Variants in RNASEH2B observed in about 807,000 individuals in gnomAD.
The protein encoded by RNASEH2B is Aicardi-Goutieres syndrome 2 protein.
RNASEH2B carries 36 observed loss-of-function variants against 45.0 expected under a neutral mutation model. That is an observed-to-expected ratio of 0.80 (90% CI 0.61 to 1.06). The LOEUF (loss-of-function observed/expected upper bound fraction) is 1.06. Among genes scored for constraint, RNASEH2B ranks in the 50% least tolerant of loss-of-function variants. The pLI is 0.00. For missense variants in RNASEH2B, 361 were observed against 360.3 expected (o/e 1.00, Z -0.02); for synonymous variants, 119 against 125.7 (o/e 0.95, Z 0.35).
chr13:50,917,346 A>T (rs983992587), intron 1 of RNASEH2B, among the ~76,000 whole-genome samples: 1 of 152,218 alleles, frequency 6.6e-6, no homozygotes, highest in Non-Finnish European at 1.5e-5. Flanking sequence ...TATGGCCAAC[A>T]TTAGGGGTTT....
At chr13:50,947,386 AGTGTGT>A (rs34501133) in intron 7 of RNASEH2B, among the ~76,000 whole-genome samples, 2,011 of 145,950 alleles carry the variant, frequency 0.014, 32 homozygotes, top group African/African-American at 0.033. Flanking sequence ...TTAGTTTGGG[AGTGTGT>A]GTGTGTGTGT....
At chr13:50,916,490 A>C (rs1351307653) in intron 1 of RNASEH2B, among the ~76,000 whole-genome samples, 2 of 152,222 alleles carry the variant, frequency 1.3e-5, no homozygotes, top group Non-Finnish European at 1.5e-5. Flanking sequence ...GAGGTGTAAT[A>C]CTTATTGCTT....
chr13:50,945,356 A>C, intron 6 of RNASEH2B, 71 bp from the exon 7 acceptor site: 1 of 1,023,694 alleles, frequency 9.8e-7, no homozygotes, highest in South Asian at 1.3e-5. Context: ...TCTGAAGGCC[A>C]CCTATGAATT....
intron 7 of RNASEH2B, among the ~76,000 whole-genome samples, chr13:50,946,137 AT>A (rs1951898329): frequency 6.6e-6 from 1 of 152,170 alleles, no homozygotes. Flanking sequence ...CTTTTAGGTT[AT>A]TCTTTTATAA....
chr13:50,922,577 C>A (rs1262573599), intron 1 of RNASEH2B, among the ~76,000 whole-genome samples: 1 of 152,152 alleles, frequency 6.6e-6, no homozygotes, highest in Non-Finnish European at 1.5e-5. Context: ...CTGCACACCA[C>A]AAGAAATACA....
At chr13:50,964,988 T>C (rs771986942) in intron 9 of RNASEH2B, among the ~76,000 whole-genome samples, 1 of 152,164 alleles carries the variant, frequency 6.6e-6, no homozygotes, top group Admixed American at 6.5e-5. Context: ...TTTCCTGCCT[T>C]ACTCCCTGCA....
chr13:50,918,713 C>G (rs1363533689), intron 1 of RNASEH2B, among the ~76,000 whole-genome samples: 1 of 152,154 alleles, frequency 6.6e-6, no homozygotes, highest in Non-Finnish European at 1.5e-5. Context: ...GCTGATTTGT[C>G]TTGCATGCAT....
At chr13:50,944,626 A>AAATAAATAAT (rs1347462620) in intron 6 of RNASEH2B, among the ~76,000 whole-genome samples, 3 of 152,030 alleles carry the variant, frequency 2.0e-5, no homozygotes, top group Non-Finnish European at 2.9e-5. Context: ...TAATAAATAA[A>AAATAAATAAT]AATAAATAAT....
chr13:50,944,165 A>C (rs1325319252), intron 6 of RNASEH2B, among the ~76,000 whole-genome samples: 1 of 152,050 alleles, frequency 6.6e-6, no homozygotes, highest in Non-Finnish European at 1.5e-5. Context: ...GGGTTGCTGT[A>C]TATTTCTTAC....
downstream of RNASEH2B, among the ~76,000 whole-genome samples, chr13:50,958,784 T>A (rs1354330906): frequency 6.6e-6 from 1 of 152,216 alleles, no homozygotes; most frequent in Non-Finnish European, 1.5e-5. Context: ...GACATTTGGA[T>A]TATTCACAAA....
At chr13:50,949,925 C>A (rs1951955160) in intron 9 of RNASEH2B, 1 of 157,334 alleles carries the variant, frequency 6.4e-6, no homozygotes, top group East Asian at 1.8e-4. Context: ...TACAAAGAAT[C>A]CTTTGAGCAA....
At chr13:50,956,850 C>A, downstream of RNASEH2B, 10 of 506,380 alleles carry the variant, frequency 2.0e-5, no homozygotes, top group Non-Finnish European at 2.6e-5. Context: ...AACTGGATTA[C>A]AAAACTGTGA....
At chr13:50,924,850 A>G (rs534221489) in intron 1 of RNASEH2B, among the ~76,000 whole-genome samples, 1 of 152,152 alleles carries the variant, frequency 6.6e-6, no homozygotes, top group South Asian at 2.1e-4. Flanking sequence ...CCCAGCCAAG[A>G]TTTTCTTTTA....
chr13:50,915,873 GGGCC>G (rs1229167308), intron 1 of RNASEH2B, among the ~76,000 whole-genome samples: 4 of 152,220 alleles, frequency 2.6e-5, no homozygotes, highest in Non-Finnish European at 5.9e-5. Context: ...ACTCCTCCGA[GGGCC>G]TAGGTCTCAA....
rs193139983 is a variant in RNASEH2B at position 50,950,544 on chromosome 13, C to T, written c.741+1039C>T. 1.5e-4 allele frequency: 23 copies of T among 152,246 alleles called. No individual in the cohort carries two copies. In the East Asian group the frequency reaches 3.9e-3, roughly 26 times the overall value. The allele number at this position is 152,246 out of a possible 1,614,324, so 9.4% of individuals were successfully genotyped here. A position where few individuals can be genotyped will look rare whatever the true frequency, so the allele number is the denominator to read the frequency against. ...ATCTAAGGACTGCTCTAGGCCAGAC[C>T]CATGCGTCTTTCATTCCGGTAGTTA... On this transcript the variant is annotated intron_variant, in intron 9 of 10. Transcript: ENST00000336617.
At chr13:50,938,227 A>G (rs1341016235) in intron 5 of RNASEH2B, 1 of 152,206 alleles carries the variant, frequency 6.6e-6, no homozygotes, top group Non-Finnish European at 1.5e-5. Context: ...TTCAAGACCA[A>G]TATGCTGAAC....
rs113631112 is a variant in RNASEH2B at position 50,931,110 on chromosome 13, AC to A, written c.321+353del. On this transcript the variant is annotated intron_variant, in intron 4 of 10. Coordinates refer to ENST00000336617, the MANE Select transcript of RNASEH2B (RefSeq NM_024570.4). ...ATACAAAACAGGTATTTAAAAATTG[AC>A]CACATGTCTTAAAGAGTCTCTTCTT... Among the ~76,000 whole-genome samples, 400 of 152,268 alleles carry A rather than the reference AC, an allele frequency of 2.6e-3. 4 individuals are homozygous for A. Among genetic ancestry groups the A allele is most frequent in the African/African-American group, 8.8e-3 (367 of 41,546 alleles).
chr13:50,933,670 G>C (rs1951711206), intron 4 of RNASEH2B, among the ~76,000 whole-genome samples: 1 of 151,770 alleles, frequency 6.6e-6, no homozygotes, highest in Non-Finnish European at 1.5e-5. Flanking sequence ...ATGTATATAT[G>C]GTAAATAAAA....
At chr13:50,929,962 A>T (rs989795358) in intron 3 of RNASEH2B, among the ~76,000 whole-genome samples, 1 of 152,226 alleles carries the variant, frequency 6.6e-6, no homozygotes, top group Non-Finnish European at 1.5e-5. Flanking sequence ...GGCTTCTAAC[A>T]TAGGCTAGAG....
Sources: allele counts gnomAD v4.1 joint callset (sites outside exome capture counted in the v4.1 genomes callset), GRCh38; gene constraint gnomAD v4.1.1; transcripts MANE v1.5; gene names NCBI Gene and HGNC (gene_info 2026-07-23, HGNC 2026-07-21).